Variants in CDC42BPA observed in about 807,000 individuals in gnomAD.
The protein encoded by CDC42BPA is CDC42 binding protein kinase alpha.
Under a neutral mutation model 223.5 loss-of-function variants are expected in CDC42BPA, and 80 were observed. That is an observed-to-expected ratio of 0.36 (90% CI 0.30 to 0.43). The LOEUF is 0.43. Ranked by LOEUF, CDC42BPA falls within the 20% of genes least tolerant of loss-of-function variation. CDC42BPA has a pLI of 1.00. For synonymous variants in CDC42BPA, 694 were observed against 718.6 expected, an observed-to-expected ratio of 0.97 and a Z score of 0.55; for missense variants, 1,743 against 2,099.9, an observed-to-expected ratio of 0.83 and a Z score of 3.32.
At chr1:227,175,774 A>C (rs1666849799) in intron 5 of CDC42BPA, among the ~76,000 whole-genome samples, 1 of 152,218 alleles carries the variant, frequency 6.6e-6, no homozygotes, top group Non-Finnish European at 1.5e-5. Context: ...ATGACAAGAC[A>C]TACAGGGCTC....
At chr1:227,185,009 T>C (rs1238498587) in intron 5 of CDC42BPA, among the ~76,000 whole-genome samples, 1 of 152,158 alleles carries the variant, frequency 6.6e-6, no homozygotes, top group Non-Finnish European at 1.5e-5. Flanking sequence ...TAGAAAATAA[T>C]AGTAATAGCC....
chr1:227,097,128 T>C (rs540809773), intron 15 of CDC42BPA, among the ~76,000 whole-genome samples: 3 of 152,240 alleles, frequency 2.0e-5, no homozygotes, highest in Admixed American at 2.0e-4. Context: ...CAATCATCTA[T>C]AATTTCTATC....
intron 2 of CDC42BPA, chr1:227,219,389 G>C (rs901416252): frequency 1.3e-5 from 2 of 152,194 alleles, no homozygotes; most frequent in Non-Finnish European, 1.5e-5. Context: ...ACTGTTGACA[G>C]GCAACACCCA....
At chr1:227,101,312 TATAA>T in intron 14 of CDC42BPA, 73 bp from the exon 15 acceptor site, 1 of 892,358 alleles carries the variant, frequency 1.1e-6, no homozygotes, top group Non-Finnish European at 1.6e-6. Flanking sequence ...CTTTCTGTAA[TATAA>T]ATGAGTATTC....
chr1:227,296,477 G>A (rs1018486791), intron 1 of CDC42BPA, among the ~76,000 whole-genome samples: 1 of 152,022 alleles, frequency 6.6e-6, no homozygotes, highest in Non-Finnish European at 1.5e-5. Context: ...AGGCCGAGGT[G>A]GGCAGATCAC....
At chr1:227,070,943 T>C (rs1411193833) in intron 20 of CDC42BPA, among the ~76,000 whole-genome samples, 1 of 151,874 alleles carries the variant, frequency 6.6e-6, no homozygotes, top group Non-Finnish European at 1.5e-5. Context: ...TATTTGCCAT[T>C]AGGGCCACGA....
chr1:227,193,761 C>A, intron 5 of CDC42BPA, 25 bp downstream of exon 5: 1 of 1,556,128 alleles, frequency 6.4e-7, no homozygotes, highest in Non-Finnish European at 8.7e-7. Context: ...AACTCACAGC[C>A]AGGTACAATG....
chr1:227,005,259 T>C (rs1437436208), intron 34 of CDC42BPA, 148 bp from the exon 35 acceptor site: 3 of 631,996 alleles, frequency 4.7e-6, no homozygotes, highest in African/African-American at 1.8e-5. Context: ...ATATAGTCTT[T>C]CCCACCCACA....
chr1:227,196,587 C>T (rs2150182290), intron 4 of CDC42BPA, among the ~76,000 whole-genome samples: 1 of 152,146 alleles, frequency 6.6e-6, no homozygotes, highest in East Asian at 1.9e-4. Context: ...GATCCGCCCG[C>T]CTTGGCCTCC....
intron 11 of CDC42BPA, among the ~76,000 whole-genome samples, chr1:227,121,780 A>T (rs1277889259): frequency 6.6e-6 from 1 of 150,896 alleles, no homozygotes; most frequent in Non-Finnish European, 1.5e-5. Context: ...CATTTTTAGG[A>T]TACCAACAAT....
Position 227,112,931 on chromosome 1 carries a change from G to C in CDC42BPA, c.1648-18C>G. The C allele has an allele frequency of 6.2e-7, 1 of 1,608,378 alleles. No individual in the cohort carries two copies. Among genetic ancestry groups the C allele is most frequent in the Non-Finnish European group, 8.5e-7 (1 of 1,177,678 alleles). Reference sequence around the variant, plus strand: ...ACTAGTTCCTACAGTTTTGTAAAAAGAATATAAGTTACCAATTCTGCAACC... The same window carrying C: ...ACTAGTTCCTACAGTTTTGTAAAAACAATATAAGTTACCAATTCTGCAACC... On this transcript the variant is annotated intron_variant, in intron 12 of 36. Coordinates refer to ENST00000366766, the MANE Select transcript of CDC42BPA (RefSeq NM_001394014.1).
chr1:227,200,157 G>A (rs904339995), intron 3 of CDC42BPA, among the ~76,000 whole-genome samples: 6 of 152,140 alleles, frequency 3.9e-5, no homozygotes, highest in Non-Finnish European at 7.4e-5. Context: ...TGGGCCGGGC[G>A]CAGTGGCTCA....
chr1:227,224,647 C>A (rs910399245), intron 2 of CDC42BPA, among the ~76,000 whole-genome samples: 1 of 152,152 alleles, frequency 6.6e-6, no homozygotes, highest in East Asian at 1.9e-4. Context: ...AAAAATAACT[C>A]TTTTAATCCT....
intron 35 of CDC42BPA, among the ~76,000 whole-genome samples, chr1:227,002,565 G>A (rs1323798425): frequency 1.3e-5 from 2 of 152,192 alleles, no homozygotes; most frequent in African/African-American, 4.8e-5. Context: ...TACCAGGGCT[G>A]GTCTGTGTGA....
intron 1 of CDC42BPA, among the ~76,000 whole-genome samples, chr1:227,316,586 T>G (rs184372942): frequency 6.6e-6 from 1 of 152,230 alleles, no homozygotes; most frequent in African/African-American, 2.4e-5. Context: ...AACACAGATA[T>G]TTTAATATCT....
intron 3 of CDC42BPA, among the ~76,000 whole-genome samples, chr1:227,202,382 A>C (rs1371571706): frequency 6.6e-6 from 1 of 152,198 alleles, no homozygotes; most frequent in East Asian, 1.9e-4. Flanking sequence ...TTTACTGCTA[A>C]CATTTTAGAG....
chr1:227,314,577 A>ACC (rs1484503429), intron 1 of CDC42BPA, among the ~76,000 whole-genome samples: 1 of 152,094 alleles, frequency 6.6e-6, no homozygotes, highest in Admixed American at 6.5e-5. Flanking sequence ...TGAAATTGAT[A>ACC]GAAATGAAGC....
intron 26 of CDC42BPA, among the ~76,000 whole-genome samples, chr1:227,033,898 T>C (rs1669773167): frequency 6.6e-6 from 1 of 152,220 alleles, no homozygotes; most frequent in Non-Finnish European, 1.5e-5. Context: ...CTTAGTCCTA[T>C]TTGTGATTCT....
At chr1:227,276,710 C>T (rs1687136326) in intron 1 of CDC42BPA, among the ~76,000 whole-genome samples, 1 of 152,132 alleles carries the variant, frequency 6.6e-6, no homozygotes, top group African/African-American at 2.4e-5. Context: ...ACATAGGAGA[C>T]TCCATTTTGT....
Sources: allele counts gnomAD v4.1 joint callset (sites outside exome capture counted in the v4.1 genomes callset), GRCh38; gene constraint gnomAD v4.1.1; transcripts MANE v1.5; gene names NCBI Gene and HGNC (gene_info 2026-07-23, HGNC 2026-07-21).